The following RCE1 variants were observed in gnomAD, a reference collection of about 807,000 sequenced individuals.
RCE1 encodes the protein Ras converting CAAX endopeptidase 1, also known as CAAX prenyl protease 2.
In RCE1, 15 loss-of-function variants were observed where a neutral mutation model predicts 35.0. The observed-to-expected ratio is 0.43, with a 90% CI of 0.29 to 0.66. The LOEUF is 0.66. Among genes scored for constraint, RCE1 ranks in the 30% least tolerant of loss-of-function variants. RCE1 has a pLI of 0.17. For synonymous variants in RCE1, 261 were observed against 192.7 expected (o/e 1.35, Z -2.94); for missense variants, 434 against 433.0 (o/e 1.00, Z -0.02).
Position 66,843,811 on chromosome 11 carries a change from A to T in RCE1, c.238A>T (p.Ser80Cys). 2 of 1,614,002 alleles carry T rather than the reference A, an allele frequency of 1.2e-6. No homozygotes were observed. The highest frequency in any genetic ancestry group is 1.7e-6 in the Non-Finnish European group (2 of 1,180,016). The change falls in exon 2 of 8, where the codon AGT becomes TGT. Residue 80 changes from serine (S) to cysteine (C), a missense_variant. Coordinates refer to ENST00000309657, the MANE Select transcript of RCE1 (RefSeq NM_005133.3). ...CTTCACCAGCGTCCTGGTGGTGTCCAGTCTCTCACCCCTGTGCGTGCTGCT... is the reference window on the plus strand; with the variant it reads ...CTTCACCAGCGTCCTGGTGGTGTCCTGTCTCTCACCCCTGTGCGTGCTGCT... ...RRFTSVLVVSSLSPLCVLLWR... is the reference protein window; with the variant it reads ...RRFTSVLVVSCLSPLCVLLWR...
chr11:66,845,183 A>G lies in RCE1; in HGVS notation c.637A>G (p.Ile213Val). The change falls in exon 6 of 8, where the codon ATT becomes GTT. Residue 213 changes from isoleucine to valine, a missense_variant. By Grantham distance (29) the Ile-to-Val change is conservative. Coordinates refer to ENST00000309657, the MANE Select transcript of RCE1 (RefSeq NM_005133.3). ...TTTCCCAGCCCATTTTCACCATATT[A>G]TTGAGCAGCTGCGTTTCCGCCAGAG... ...FFGVAHFHHI[I>V]EQLRFRQSSV... 1 of 1,614,154 alleles carries G rather than the reference A, an allele frequency of 6.2e-7. No individual in the cohort carries two copies. Among genetic ancestry groups the G allele is most frequent in the Non-Finnish European group, 8.5e-7 (1 of 1,180,016 alleles).
intron 7 of RCE1, 32 bp downstream of exon 7, chr11:66,845,594 G>A: frequency 6.2e-7 from 1 of 1,614,022 alleles, no homozygotes; most frequent in Non-Finnish European, 8.5e-7. Context: ...GGTCCCTGGG[G>A]GCCCACAGGA....
At chr11:66,844,473 TG>T in intron 4 of RCE1, 109 bp downstream of exon 4, 1 of 1,423,046 alleles carries the variant, frequency 7.0e-7, no homozygotes, top group Non-Finnish European at 9.8e-7. Flanking sequence ...GTCATCTCTC[TG>T]GGTGTGTTTT....
chr11:66,845,282 C>T (rs1196653552), intron 6 of RCE1, 45 bp downstream of exon 6: 13 of 1,612,610 alleles, frequency 8.1e-6, no homozygotes, highest in South Asian at 5.5e-5. Flanking sequence ...ATGATGATGT[C>T]GCTAATGGCC....
At chr11:66,844,232 C>A (rs1945157669) in intron 3 of RCE1, 54 bp from the exon 4 acceptor site, 1 of 1,612,686 alleles carries the variant, frequency 6.2e-7, no homozygotes. Flanking sequence ...GGAGCATGGG[C>A]AAAGGTCTGG....
Position 66,844,157 on chromosome 11 carries a change from A to T in RCE1, c.372+118A>T, listed in dbSNP as rs556385532. The T allele has an allele frequency of 6.9e-6, 11 of 1,589,158 alleles. No individual in the cohort carries two copies. In the Admixed American group the frequency reaches 1.5e-4, roughly 22 times the overall value. The stretch of plus-strand genomic sequence containing the variant: ...GAGACAGGACTTTTGAGATGGCCCC[A>T]GGGTCCTCCGGTATGCATGGTCTGG... On this transcript the variant is annotated intron_variant, in intron 3 of 7. Coordinates refer to ENST00000309657, the MANE Select transcript of RCE1 (RefSeq NM_005133.3).
chr11:66,844,810 C>G (rs1945172419), intron 4 of RCE1, 59 bp from the exon 5 acceptor site: 3 of 1,490,326 alleles, frequency 2.0e-6, no homozygotes, highest in Non-Finnish European at 1.8e-6. Context: ...CTTGGAGCCT[C>G]TGGGGTCTCA....
intron 3 of RCE1, 66 bp downstream of exon 3, chr11:66,844,105 C>T (rs1429221361): frequency 6.8e-6 from 11 of 1,610,948 alleles, no homozygotes; most frequent in Non-Finnish European, 9.3e-6. Flanking sequence ...GTGCCGTGGA[C>T]TCTTGTTTTT....
Position 66,846,154 on chromosome 11 carries a change from G to C in RCE1, c.*59G>C, listed in dbSNP as rs1013168982. The C allele has an allele frequency of 3.3e-6, 5 of 1,508,286 alleles. No homozygotes were observed. The highest frequency in any genetic ancestry group is 4.4e-6 in the Non-Finnish European group (5 of 1,133,960). 93.4% of individuals were successfully genotyped at this position (1,508,286 alleles called of 1,614,324 possible). ...GGCTCCCCAGCCCTCCCCACCAAGG[G>C]GTACTGCAGGGGAAGGGCTGGCTGG... On this transcript the variant is annotated 3_prime_UTR_variant, in exon 8 of 8. Coordinates refer to ENST00000309657, the MANE Select transcript of RCE1 (RefSeq NM_005133.3).
At position 66,845,971 on chromosome 11, in the gene RCE1, C is replaced by T. The variant is rs1219770420; in HGVS notation, c.866C>T (p.Ala289Val). 3.3e-5 allele frequency: 53 copies of T among 1,613,704 alleles called. No individual in the cohort carries two copies. Among genetic ancestry groups the T allele is most frequent in the Admixed American group, 1.2e-4 (7 of 60,008 alleles). The change falls in exon 8 of 8, where the codon GCC becomes GTC. Residue 289 changes from alanine to valine, a missense_variant. Physicochemically the swap from Ala to Val is moderately conservative, Grantham distance 64. Transcript: ENST00000309657. ...PQRRPLLAGY[A>V]LGVGLFLLLL... ...AGGCGGCCCCTGCTGGCAGGCTATGCCCTGGGTGTGGGACTCTTCCTGCTT... is the reference window on the plus strand; with the variant it reads ...AGGCGGCCCCTGCTGGCAGGCTATGTCCTGGGTGTGGGACTCTTCCTGCTT...
intron 6 of RCE1, 38 bp from the exon 7 acceptor site, chr11:66,845,462 C>G: frequency 1.9e-6 from 3 of 1,613,818 alleles, no homozygotes; most frequent in Non-Finnish European, 2.5e-6. Flanking sequence ...GCAGGAAGGG[C>G]GTGCAGGTGT....
In RCE1 at chr11:66,846,032, C is replaced by T. The variant is rs1945204131; in HGVS notation, c.927C>T (p.Gly309=). Residue 309 remains glycine (G), a synonymous_variant, in exon 8 of 8, where the codon GGC becomes GGT. Coordinates refer to ENST00000309657, the MANE Select transcript of RCE1 (RefSeq NM_005133.3). The stretch of plus-strand genomic sequence containing the variant: ...CCCTCACGGACCCCAAGCTCTACGG[C>T]AGCCTTCCCCTTTGTGTGCTTTTGG... ...LQPLTDPKLY[G]SLPLCVLLER... 14 of 1,613,820 alleles carry T rather than the reference C, an allele frequency of 8.7e-6. No individual in the cohort carries two copies. In the South Asian group the frequency reaches 9.9e-5, roughly 11 times the overall value.
At chr11:66,843,666 T>G in intron 1 of RCE1, 26 bp downstream of exon 1, 1 of 1,602,964 alleles carries the variant, frequency 6.2e-7, no homozygotes. Flanking sequence ...GCGACCGGAA[T>G]CCGCGCCCTG....
In RCE1 at chr11:66,843,449, G is replaced by A; in HGVS notation, c.-7G>A. 1 of 1,402,384 alleles carries A rather than the reference G, an allele frequency of 7.1e-7. No homozygotes were observed. The highest frequency in any genetic ancestry group is 9.2e-7 in the Non-Finnish European group (1 of 1,092,428). 86.9% of individuals were successfully genotyped at this position (1,402,384 alleles called of 1,614,324 possible). On this transcript the variant is annotated 5_prime_UTR_variant, in exon 1 of 8. Coordinates refer to ENST00000309657, the MANE Select transcript of RCE1 (RefSeq NM_005133.3). ...CGTCACTGGTGCGCGCCGCGGGTCAGGGCGCAATGGCGGCGCTGGGCGGGG... is the reference window on the plus strand; with the variant it reads ...CGTCACTGGTGCGCGCCGCGGGTCAAGGCGCAATGGCGGCGCTGGGCGGGG...
At chr11:66,845,125 TGGGA>T (rs767251347) in intron 5 of RCE1, 37 bp from the exon 6 acceptor site, 7 of 1,614,130 alleles carry the variant, frequency 4.3e-6, no homozygotes, top group East Asian at 2.2e-5. Flanking sequence ...GAAGGGAGGC[TGGGA>T]GGAATGACTG....
chr11:66,845,319 G>C, intron 6 of RCE1, 82 bp downstream of exon 6: 1 of 1,603,588 alleles, frequency 6.2e-7, no homozygotes, highest in African/African-American at 1.3e-5. Flanking sequence ...TGGGAACTGA[G>C]GGCCACAGTA....
intron 6 of RCE1, 51 bp from the exon 7 acceptor site, chr11:66,845,449 G>A (rs1191798296): frequency 1.2e-6 from 2 of 1,613,528 alleles, no homozygotes; most frequent in Non-Finnish European, 1.7e-6. Context: ...ATGTAGTGTG[G>A]GGGCAGGAAG....
chr11:66,843,918 G>A (rs754289861), intron 2 of RCE1, 38 bp from the exon 3 acceptor site: 3 of 1,614,088 alleles, frequency 1.9e-6, no homozygotes, highest in Non-Finnish European at 2.5e-6. Flanking sequence ...GTCTTTAGGG[G>A]AGGAAGCAAA....
rs139646297 is a variant in RCE1 at position 66,845,927 on chromosome 11, G to A, written c.822G>A (p.Ala274=). 9.0e-5 allele frequency: 145 copies of A among 1,613,604 alleles called. No homozygotes were observed. The highest frequency in any genetic ancestry group is 8.8e-4 in the African/African-American group (66 of 74,942). The change falls in exon 8 of 8, where the codon GCG becomes GCA. Residue 274 remains alanine (A), a synonymous_variant. Transcript: ENST00000309657. ...CNYMGFPAVC[A]ALEHPQRRPL... ...ACATGGGTTTCCCAGCTGTTTGCGC[G>A]GCCTTGGAGCACCCACAGAGGCGGC... is the stretch of plus-strand genomic sequence containing the variant.
Sources: allele counts gnomAD v4.1 joint callset, GRCh38; gene constraint gnomAD v4.1.1; transcripts MANE v1.5; gene names NCBI Gene and HGNC (gene_info 2026-07-23, HGNC 2026-07-21).